Variants in COL4A1 observed in about 807,000 individuals in gnomAD.
The protein encoded by COL4A1 is collagen type IV alpha 1 chain.
A neutral mutation model predicts 216.6 loss-of-function variants in COL4A1; 40 were observed. The observed-to-expected ratio is 0.18, with a 90% CI of 0.14 to 0.24. COL4A1 has a LOEUF of 0.24. Among genes scored for constraint, COL4A1 ranks in the 10% least tolerant of loss-of-function variants. The pLI, the probability that COL4A1 is intolerant of heterozygous loss-of-function variation, is 1.00. For synonymous variants in COL4A1, 839 were observed against 810.7 expected (o/e 1.03, Z -0.59); for missense variants, 1,628 against 2,196.8 (o/e 0.74, Z 5.18).
Position 110,164,945 on chromosome 13 carries a change from T to G in COL4A1, c.4067A>C (p.Lys1356Thr). Residue 1356 changes from lysine to threonine, a missense_variant, in exon 46 of 52, where the codon AAA (lysine) becomes ACA (threonine). By Grantham distance (78) the Lys-to-Thr change is moderately conservative (BLOSUM62 -1). Coordinates refer to ENST00000375820, the MANE Select transcript of COL4A1 (RefSeq NM_001845.6). ...PGPPGPYDIIKGEPGLPGPEG... is the reference protein window; with the variant it reads ...PGPPGPYDIITGEPGLPGPEG... The stretch of plus-strand genomic sequence containing the variant: ...AGGACCAGGGAGCCCGGGCTCCCCT[T>G]TGATGATGTCGTAAGGACCTGGGGG... The G allele has an allele frequency of 6.2e-7, 1 of 1,605,202 alleles. No individual in the cohort carries two copies. Among genetic ancestry groups the G allele is most frequent in the Non-Finnish European group, 8.5e-7 (1 of 1,176,208 alleles).
rs1294321457 is a variant in COL4A1, at chr13:110,167,210, T to A, written c.3897A>T (p.Gly1299=). The A allele has an allele frequency of 6.2e-7, 1 of 1,613,936 alleles. No individual in the cohort carries two copies. The highest frequency in any genetic ancestry group is 8.5e-7 in the Non-Finnish European group (1 of 1,179,922). ...CCATATCACCCTTAGAGCCTGTGAT[T>A]CCTGGAGAGCCACCAATACCCTAGA... ...QGMPGIGGSP[G]ITGSKGDMGP... Residue 1299 remains glycine (G), a synonymous_variant, in exon 44 of 52, where the codon GGA becomes GGT. Coordinates refer to ENST00000375820, the MANE Select transcript of COL4A1 (RefSeq NM_001845.6).
chr13:110,177,650 T>C (rs1437646666), intron 33 of COL4A1, among the ~76,000 whole-genome samples, 192 bp downstream of exon 33: 1 of 151,960 alleles, frequency 6.6e-6, no homozygotes, highest in Admixed American at 6.6e-5. Flanking sequence ...CCAAGCACAG[T>C]TTCAACCCCA....
intron 28 of COL4A1, among the ~76,000 whole-genome samples, chr13:110,182,782 G>C (rs1459095433): frequency 1.3e-5 from 2 of 152,250 alleles, no homozygotes; most frequent in Admixed American, 6.5e-5. Flanking sequence ...CACAGCCTTA[G>C]CGTCCCATCT....
intron 26 of COL4A1, among the ~76,000 whole-genome samples, chr13:110,185,081 A>T (rs1040429655): frequency 4.6e-5 from 7 of 152,262 alleles, no homozygotes; most frequent in Non-Finnish European, 1.0e-4. Context: ...CCAGAACGGC[A>T]TGCTGTAATT....
intron 49 of COL4A1, among the ~76,000 whole-genome samples, chr13:110,158,346 G>A (rs888425691): frequency 2.0e-5 from 3 of 152,208 alleles, no homozygotes; most frequent in Non-Finnish European, 2.9e-5. Flanking sequence ...ATGGTCCCAC[G>A]TGGCATAGCT....
chr13:110,296,624 A>G (rs1431434823), intron 1 of COL4A1, among the ~76,000 whole-genome samples: 2 of 152,180 alleles, frequency 1.3e-5, no homozygotes, highest in Admixed American at 6.5e-5. Context: ...TCTTCAGGGG[A>G]GACCAGCTAG....
intron 2 of COL4A1, among the ~76,000 whole-genome samples, chr13:110,229,312 A>C (rs992881197): frequency 7.0e-4 from 107 of 152,248 alleles, no homozygotes; most frequent in African/African-American, 2.4e-3. Context: ...CACAGGAAAG[A>C]TCTCAACTCA....
intron 2 of COL4A1, among the ~76,000 whole-genome samples, chr13:110,232,440 C>T (rs1874137): frequency 0.029 from 4,468 of 152,286 alleles, 97 homozygotes; most frequent in African/African-American, 0.05. Flanking sequence ...TGTCTAGAAA[C>T]GTGTTTGAAT....
Position 110,268,781 on chromosome 13 carries a change from G to A in COL4A1, c.85-26047C>T, listed in dbSNP as rs1594104947. Among the ~76,000 whole-genome samples the A allele has an allele frequency of 6.6e-6, 1 of 152,184 alleles. No homozygotes were observed. Among genetic ancestry groups the A allele is most frequent in the Non-Finnish European group, 1.5e-5 (1 of 68,040 alleles). Reference sequence around the variant, plus strand: ...ACTTCCAGGACCACACGCCTGGCACGTGGGAGGCTCAACAAATCTGACTCT... The same window carrying A: ...ACTTCCAGGACCACACGCCTGGCACATGGGAGGCTCAACAAATCTGACTCT... On this transcript the variant is annotated intron_variant, in intron 1 of 51. Coordinates refer to ENST00000375820, the MANE Select transcript of COL4A1 (RefSeq NM_001845.6). This position sits in a 1 kb window ranked among gnomAD's most constrained non-coding sequence, Gnocchi z 4.1.
intron 1 of COL4A1, among the ~76,000 whole-genome samples, chr13:110,296,097 T>A: frequency 6.6e-6 from 1 of 152,244 alleles, no homozygotes; most frequent in Non-Finnish European, 1.5e-5. Flanking sequence ...GACCTTCCCA[T>A]AAATCGCTTA....
At chr13:110,187,462 G>A in intron 24 of COL4A1, 133 bp from the exon 25 acceptor site, 1 of 997,704 alleles carries the variant, frequency 1.0e-6, no homozygotes, top group Admixed American at 2.1e-5. Flanking sequence ...CCTCATCATT[G>A]ATTTTCTAGA....
At chr13:110,264,418 T>C (rs1487786669) in intron 1 of COL4A1, among the ~76,000 whole-genome samples, 1 of 151,976 alleles carries the variant, frequency 6.6e-6, no homozygotes, top group African/African-American at 2.4e-5. Context: ...AACCCCTACC[T>C]GCGCCCAAAA....
intron 1 of COL4A1, among the ~76,000 whole-genome samples, chr13:110,255,500 T>C (rs1402785374): frequency 8.0e-6 from 1 of 124,912 alleles, no homozygotes; most frequent in Non-Finnish European, 1.7e-5. Flanking sequence ...GGTTTCCCAA[T>C]GAAAGAACGG....
rs79228241 is a variant in COL4A1, at chr13:110,172,523, C to T, written c.3556+197G>A. Among the ~76,000 whole-genome samples, 10 of 152,302 alleles carry T rather than the reference C, an allele frequency of 6.6e-5. No individual in the cohort carries two copies. The South Asian group carries it at 1.7e-3, about 25-fold the overall frequency. On this transcript the variant is annotated intron_variant, in intron 41 of 51. Coordinates refer to ENST00000375820, the MANE Select transcript of COL4A1 (RefSeq NM_001845.6). ...TAATTCTGATCATGAGTGTACTGCA[C>T]GCCATTTTGATCCATTAATTAGAAG...
intron 2 of COL4A1, among the ~76,000 whole-genome samples, chr13:110,224,844 A>G (rs1261691812): frequency 6.6e-6 from 1 of 152,186 alleles, no homozygotes; most frequent in Non-Finnish European, 1.5e-5. Flanking sequence ...CAAAGGCAGG[A>G]AACACCACAA....
At chr13:110,164,778 T>C in intron 46 of COL4A1, 84 bp downstream of exon 46, 4 of 1,553,568 alleles carry the variant, frequency 2.6e-6, no homozygotes, top group South Asian at 1.2e-5. Context: ...CAGAAACTTA[T>C]TTTAGATACA....
intron 1 of COL4A1, among the ~76,000 whole-genome samples, chr13:110,269,725 C>T (rs9559758): frequency 0.025 from 3,759 of 151,980 alleles, 172 homozygotes; most frequent in East Asian, 0.22. Flanking sequence ...GACCACAGGG[C>T]GCATCCCGAT....
chr13:110,226,912 A>G (rs1285622311), intron 2 of COL4A1, among the ~76,000 whole-genome samples: 1 of 152,216 alleles, frequency 6.6e-6, no homozygotes, highest in Non-Finnish European at 1.5e-5. Flanking sequence ...CTTAATTAAG[A>G]CAATAAATAG....
chr13:110,287,867 C>G (rs968777376), intron 1 of COL4A1, among the ~76,000 whole-genome samples: 1 of 152,154 alleles, frequency 6.6e-6, no homozygotes, highest in Non-Finnish European at 1.5e-5. Flanking sequence ...AGAAGAGAGC[C>G]GTTCAAGTGG....
Sources: allele counts gnomAD v4.1 joint callset (sites outside exome capture counted in the v4.1 genomes callset), GRCh38; gene constraint gnomAD v4.1.1; non-coding constraint Gnocchi (gnomAD v3.1); transcripts MANE v1.5; gene names NCBI Gene and HGNC (gene_info 2026-07-23, HGNC 2026-07-21).